The following LYRM4 variants were observed in gnomAD, a reference collection of about 807,000 sequenced individuals.
LYRM4 encodes LYR motif-containing protein 4.
A neutral mutation model predicts 11.7 loss-of-function variants in LYRM4; 9 were observed. That is an observed-to-expected ratio of 0.77 (90% CI 0.46 to 1.34). The LOEUF is 1.34. Among genes scored for constraint, LYRM4 ranks in the 40% most tolerant of loss-of-function variants. LYRM4 has a pLI of 0.00. For synonymous variants in LYRM4, 42 were observed against 40.4 expected (o/e 1.04, Z -0.15); for missense variants, 133 against 112.5 (o/e 1.18, Z -0.82).
intron 2 of LYRM4, chr6:5,138,679 A>G: frequency 2.0e-6 from 3 of 1,511,832 alleles, no homozygotes; most frequent in South Asian, 2.4e-5. Flanking sequence ...AAAACACAAG[A>G]AAATATCAAG....
intron 2 of LYRM4, among the ~76,000 whole-genome samples, chr6:5,151,079 T>G (rs1231202085): frequency 1.6e-5 from 2 of 126,332 alleles, no homozygotes; most frequent in Admixed American, 8.5e-5. Flanking sequence ...TTTTGTTTGT[T>G]TTGAATTTTT....
At chr6:5,237,443 A>G (rs1379744484) in intron 1 of LYRM4, among the ~76,000 whole-genome samples, 1 of 151,586 alleles carries the variant, frequency 6.6e-6, no homozygotes, top group Non-Finnish European at 1.5e-5. Flanking sequence ...CACTGATTCT[A>G]TATTATGGTG....
chr6:5,246,044 T>TA (rs1561899793), intron 1 of LYRM4, among the ~76,000 whole-genome samples: 4 of 152,058 alleles, frequency 2.6e-5, no homozygotes. Context: ...TTTAAAAAAT[T>TA]AAAAAAAGGG....
intron 2 of LYRM4, among the ~76,000 whole-genome samples, chr6:5,206,100 G>C (rs1431478313): frequency 6.6e-6 from 1 of 152,210 alleles, no homozygotes; most frequent in East Asian, 1.9e-4. Flanking sequence ...TCCCTTTATA[G>C]TCAGTTCAGT....
the LYRM4 span, chr6:5,088,744 C>G: frequency 1.3e-5 from 2 of 152,152 alleles, no homozygotes; most frequent in Admixed American, 6.5e-5. Flanking sequence ...AAATAAACCC[C>G]CTTTGGGTAA....
chr6:5,184,488 C>T (rs553793706), intron 2 of LYRM4, among the ~76,000 whole-genome samples: 2 of 151,884 alleles, frequency 1.3e-5, no homozygotes, highest in Non-Finnish European at 2.9e-5. Flanking sequence ...GTGGAGATGC[C>T]GTTAAAACCA....
At chr6:5,141,514 G>A (rs1038574735) in intron 2 of LYRM4, among the ~76,000 whole-genome samples, 3 of 152,176 alleles carry the variant, frequency 2.0e-5, no homozygotes, top group Non-Finnish European at 2.9e-5. Context: ...CCACCGTAGC[G>A]GAACAGTACT....
chr6:5,134,272 T>C (rs1392192601), intron 2 of LYRM4, among the ~76,000 whole-genome samples: 1 of 152,092 alleles, frequency 6.6e-6, no homozygotes, highest in Non-Finnish European at 1.5e-5. Context: ...AGTTTTTATG[T>C]AAGATAAGCA....
At chr6:5,190,666 T>G (rs1581470917) in intron 2 of LYRM4, among the ~76,000 whole-genome samples, 1 of 152,032 alleles carries the variant, frequency 6.6e-6, no homozygotes, top group Non-Finnish European at 1.5e-5. Context: ...TCCTATCATC[T>G]AGTAACTCTG....
the LYRM4 span, chr6:5,067,017 G>A: frequency 1.3e-4 from 85 of 632,152 alleles, no homozygotes; most frequent in African/African-American, 9.5e-5. Context: ...AAGGATTACC[G>A]GGGGTTGCTA....
chr6:5,084,286 C>T, the LYRM4 span, among the ~76,000 whole-genome samples: 14 of 152,370 alleles, frequency 9.2e-5, no homozygotes, highest in Admixed American at 7.2e-4. Flanking sequence ...GGTACCACGA[C>T]GCGCTTCCCC....
chr6:5,075,295 A>G, the LYRM4 span, among the ~76,000 whole-genome samples: 1 of 152,230 alleles, frequency 6.6e-6, no homozygotes, highest in Non-Finnish European at 1.5e-5. Flanking sequence ...AATGTGCAAA[A>G]CAGGTAGAAG....
At chr6:5,121,391 A>C (rs1413017026) in intron 2 of LYRM4, among the ~76,000 whole-genome samples, 1 of 152,136 alleles carries the variant, frequency 6.6e-6, no homozygotes, top group Non-Finnish European at 1.5e-5. Flanking sequence ...ACCACTGCTC[A>C]GGGTGGGGAA....
rs1035055096 is a variant in LYRM4 at position 5,225,461 on chromosome 6, G to A, written c.87-8723C>T. Among the ~76,000 whole-genome samples the A allele has an allele frequency of 4.0e-5, 6 of 151,690 alleles. No homozygotes were observed. The East Asian group carries it at 9.6e-4, about 24-fold the overall frequency. ...TGTACATTTTTTTTCCTTCACAAAC[G>A]GTAGCATTCTAAACATACTGTAGGC... On this transcript the variant is annotated intron_variant, in intron 1 of 2. Transcript: ENST00000330636.
chr6:5,196,541 C>T (rs139553383), intron 2 of LYRM4, among the ~76,000 whole-genome samples: 1 of 152,338 alleles, frequency 6.6e-6, no homozygotes, highest in Non-Finnish European at 1.5e-5. Flanking sequence ...CAGGTTGGTA[C>T]AGTGCCTTCC....
the LYRM4 span, among the ~76,000 whole-genome samples, chr6:5,041,209 G>A: frequency 3.8e-5 from 3 of 78,592 alleles, no homozygotes; most frequent in Non-Finnish European, 1.1e-4. Flanking sequence ...GCACAAAGGA[G>A]TGACAAACTT....
the LYRM4 span, among the ~76,000 whole-genome samples, chr6:5,097,973 GGTGT>G: frequency 1.3e-5 from 2 of 152,228 alleles, no homozygotes; most frequent in Admixed American, 1.3e-4. Context: ...CTTTTTGTTT[GGTGT>G]GTGTTTTTAT....
chr6:5,114,936 C>G (rs1479659431), intron 2 of LYRM4, among the ~76,000 whole-genome samples: 1 of 152,120 alleles, frequency 6.6e-6, no homozygotes, highest in Non-Finnish European at 1.5e-5. Context: ...TCTGTTAAAT[C>G]ACATATAGAT....
the LYRM4 span, chr6:5,034,423 G>T: frequency 6.6e-6 from 1 of 152,322 alleles, no homozygotes; most frequent in Non-Finnish European, 1.5e-5. Context: ...GGGAGATGGG[G>T]CCTGGTGGGC....
Sources: gnomAD v4.1 joint callset for allele counts (sites outside exome capture counted in the v4.1 genomes callset) on GRCh38, gnomAD v4.1.1 for gene constraint, MANE v1.5 for transcripts, NCBI Gene and HGNC (gene_info 2026-07-23, HGNC 2026-07-21) for gene names.